Variants in SLC6A11 observed in about 807,000 individuals in gnomAD.
SLC6A11 encodes the protein sodium- and chloride-dependent GABA transporter 3.
In SLC6A11, 25 loss-of-function variants were observed where a neutral mutation model predicts 74.8. The ratio of observed to expected loss-of-function variants is 0.33; its 90% CI spans 0.24 to 0.47. SLC6A11 has a LOEUF of 0.47. Ranked by LOEUF, SLC6A11 falls within the 20% of genes least tolerant of loss-of-function variation. The pLI, the probability that SLC6A11 is intolerant of heterozygous loss-of-function variation, is 1.00. For missense variants in SLC6A11, 574 were observed against 837.0 expected, an observed-to-expected ratio of 0.69 and a Z score of 3.88; for synonymous variants, 330 against 330.2, an observed-to-expected ratio of 1.00 and a Z score of 0.01.
chr3:10,922,569 G>C (rs1695550942), intron 8 of SLC6A11, among the ~76,000 whole-genome samples: 1 of 152,168 alleles, frequency 6.6e-6, no homozygotes. Flanking sequence ...TACCTTCAGG[G>C]GTGGTCGGAA....
At chr3:10,830,477 AC>A (rs1360379308) in intron 4 of SLC6A11, among the ~76,000 whole-genome samples, 2 of 152,256 alleles carry the variant, frequency 1.3e-5, no homozygotes, top group African/African-American at 2.4e-5. Context: ...CATGAACAAA[AC>A]AAAGACTCAC....
intron 5 of SLC6A11, among the ~76,000 whole-genome samples, chr3:10,849,794 C>CAAAAAAAAAAAAAAA (rs56099322): frequency 2.3e-5 from 2 of 87,248 alleles, no homozygotes; most frequent in Non-Finnish European, 4.4e-5. Flanking sequence ...TTGTTGAAGC[C>CAAAAAAAAAAAAAAA]AAAAAAAAAA....
At chr3:10,908,189 G>A (rs993555015) in intron 6 of SLC6A11, among the ~76,000 whole-genome samples, 1 of 152,184 alleles carries the variant, frequency 6.6e-6, no homozygotes, top group African/African-American at 2.4e-5. Context: ...AATCTATACA[G>A]TGTACTAAAA....
rs551310847 is a variant in SLC6A11, at chr3:10,906,304, C to T, written c.892-5786C>T. ...GGAATCTTCTCACCCAAACGAGAAA[C>T]AAGGGTAGTAAAACAAAAACCCTAT... On this transcript the variant is annotated intron_variant, in intron 6 of 13. Coordinates refer to ENST00000254488, the MANE Select transcript of SLC6A11 (RefSeq NM_014229.3). 6.6e-4 allele frequency among the ~76,000 whole-genome samples: 101 copies of T among 152,240 alleles called. 2 individuals carry two copies. Among genetic ancestry groups the T allele is most frequent in the African/African-American group, 2.4e-3 (101 of 41,544 alleles).
At chr3:10,884,571 T>G (rs1185868529) in intron 6 of SLC6A11, among the ~76,000 whole-genome samples, 1 of 152,150 alleles carries the variant, frequency 6.6e-6, no homozygotes, top group Admixed American at 6.5e-5. Context: ...GAGTCTGACT[T>G]GGCTGTGTGA....
intron 6 of SLC6A11, among the ~76,000 whole-genome samples, chr3:10,899,152 G>T (rs1695206797): frequency 6.6e-6 from 1 of 152,200 alleles, no homozygotes; most frequent in Non-Finnish European, 1.5e-5. Context: ...TACAATTCAA[G>T]ATGAGATTTG....
At chr3:10,877,339 G>A (rs1694921022) in intron 6 of SLC6A11, among the ~76,000 whole-genome samples, 1 of 152,158 alleles carries the variant, frequency 6.6e-6, no homozygotes, top group African/African-American at 2.4e-5. Flanking sequence ...TCATCAGCAA[G>A]ACAAAGACAC....
At chr3:10,935,970 T>C (rs1695755210) in intron 13 of SLC6A11, among the ~76,000 whole-genome samples, 1 of 152,196 alleles carries the variant, frequency 6.6e-6, no homozygotes, top group African/African-American at 2.4e-5. Context: ...CTACCCTGGA[T>C]GTTTCCTGTC....
chr3:10,822,157 C>T (rs548836845), intron 3 of SLC6A11, among the ~76,000 whole-genome samples: 1 of 152,330 alleles, frequency 6.6e-6, no homozygotes, highest in Non-Finnish European at 1.5e-5. Context: ...TTCCTGCCTG[C>T]AGAGATTACA....
In SLC6A11 at chr3:10,828,858, T is replaced by C. The variant is rs139363145; in HGVS notation, c.623+5466T>C. On this transcript the variant is annotated intron_variant, in intron 4 of 13. Coordinates refer to ENST00000254488, the MANE Select transcript of SLC6A11 (RefSeq NM_014229.3). ...TGTATATTTATTTGATTATTCTCTC[T>C]TTCTCCATCAGAATTTAAGTTCCAT... 1.9e-3 allele frequency among the ~76,000 whole-genome samples: 289 copies of C among 152,376 alleles called. 5 individuals carry two copies. The highest frequency in any genetic ancestry group is 0.016 in the Admixed American group (246 of 15,312).
intron 4 of SLC6A11, chr3:10,823,967 CATT>C (rs1407576047): frequency 6.5e-6 from 1 of 153,256 alleles, no homozygotes; most frequent in Non-Finnish European, 1.5e-5. Flanking sequence ...GGTTGCCAAT[CATT>C]GTTGGGGGTG....
chr3:10,904,140 T>C (rs1023500829), intron 6 of SLC6A11, among the ~76,000 whole-genome samples: 1 of 152,198 alleles, frequency 6.6e-6, no homozygotes, highest in African/African-American at 2.4e-5. Context: ...GTGTGCTGAG[T>C]ATCCATCATG....
chr3:10,934,874 TG>T (rs1377448709), intron 12 of SLC6A11, among the ~76,000 whole-genome samples, 154 bp from the exon 13 acceptor site: 1 of 152,186 alleles, frequency 6.6e-6, no homozygotes, highest in Non-Finnish European at 1.5e-5. Context: ...AAGCTCACTG[TG>T]GTCCTGGCAG....
At position 10,926,205 on chromosome 3, in the gene SLC6A11, C is replaced by T; in HGVS notation, c.1233+89C>T. On this transcript the variant is annotated intron_variant, in intron 9 of 13. Coordinates refer to ENST00000254488, the MANE Select transcript of SLC6A11 (RefSeq NM_014229.3). This position sits in a 1 kb window ranked among gnomAD's most constrained non-coding sequence, Gnocchi z 5.7. Reference sequence around the variant, plus strand: ...CACCCTTAGGAGTGGCTCCCCAGGCCCAGCCACTCCCACCTGGCCCTGGCA... The same window carrying T: ...CACCCTTAGGAGTGGCTCCCCAGGCTCAGCCACTCCCACCTGGCCCTGGCA... 1 of 758,254 alleles carries T rather than the reference C, an allele frequency of 1.3e-6. No individual in the cohort carries two copies. The highest frequency in any genetic ancestry group is 2.2e-6 in the Non-Finnish European group (1 of 451,044). 47.0% of individuals were successfully genotyped at this position (758,254 alleles called of 1,614,324 possible).
At chr3:10,827,783 C>T (rs2106574807) in intron 4 of SLC6A11, among the ~76,000 whole-genome samples, 1 of 152,360 alleles carries the variant, frequency 6.6e-6, no homozygotes, top group African/African-American at 2.4e-5. Flanking sequence ...CCACAAGGCA[C>T]TACTTCTCTG....
intron 5 of SLC6A11, among the ~76,000 whole-genome samples, chr3:10,850,059 A>G (rs1694554408): frequency 6.6e-6 from 1 of 152,196 alleles, no homozygotes; most frequent in Non-Finnish European, 1.5e-5. Context: ...TATGTGACCC[A>G]TAAAACCTAA....
At chr3:10,851,574 C>A (rs1694576683) in intron 5 of SLC6A11, among the ~76,000 whole-genome samples, 2 of 152,212 alleles carry the variant, frequency 1.3e-5, no homozygotes, top group African/African-American at 4.8e-5. Context: ...ATGGTCATTG[C>A]AAGGCCAAGG....
chr3:10,828,253 G>A (rs1694242468), intron 4 of SLC6A11, among the ~76,000 whole-genome samples: 6 of 152,140 alleles, frequency 3.9e-5, no homozygotes, highest in Admixed American at 3.9e-4. Flanking sequence ...AATCAAAACT[G>A]TTTTTGCACG....
intron 6 of SLC6A11, among the ~76,000 whole-genome samples, chr3:10,890,154 A>G (rs906162263): frequency 6.6e-6 from 1 of 151,966 alleles, no homozygotes; most frequent in African/African-American, 2.4e-5. Flanking sequence ...GTCTATCATC[A>G]TAGAACATTC....
Sources: gnomAD v4.1 joint callset for allele counts (sites outside exome capture counted in the v4.1 genomes callset) on GRCh38, gnomAD v4.1.1 for gene constraint, Gnocchi (gnomAD v3.1) non-coding constraint, MANE v1.5 for transcripts, NCBI Gene and HGNC (gene_info 2026-07-23, HGNC 2026-07-21) for gene names.